Variants in MBP observed in about 807,000 individuals in gnomAD.
MBP encodes the protein myelin basic protein, also known as Golli-MBP.
In MBP, 16 loss-of-function variants were observed where a neutral mutation model predicts 35.8. The observed-to-expected ratio is 0.45, with a 90% CI of 0.30 to 0.68. MBP has a LOEUF of 0.68. MBP is among the 30% of genes least tolerant of loss of function. The pLI, the probability that MBP is intolerant of heterozygous loss-of-function variation, is 0.08. For missense variants in MBP, 380 were observed against 404.7 expected (o/e 0.94, Z 0.52); for synonymous variants, 143 against 159.6 (o/e 0.90, Z 0.78).
intron 4 of MBP, among the ~76,000 whole-genome samples, chr18:76,997,904 G>A (rs540142269): frequency 1.9e-4 from 27 of 141,472 alleles, no homozygotes; most frequent in East Asian, 1.0e-3. Flanking sequence ...GGATGGTCTC[G>A]ATCTCCTGAC....
chr18:77,039,944 C>A (rs1568307528), intron 3 of MBP, among the ~76,000 whole-genome samples: 1 of 152,318 alleles, frequency 6.6e-6, no homozygotes, highest in Middle Eastern at 3.4e-3. Flanking sequence ...GCCGGCTCTA[C>A]AGCATGACTC....
At chr18:77,092,294 GT>G (rs1555727946) in intron 2 of MBP, among the ~76,000 whole-genome samples, 1 of 151,740 alleles carries the variant, frequency 6.6e-6, no homozygotes, top group African/African-American at 2.4e-5. Context: ...CCCTCCCTCT[GT>G]CCCTCGCGGG....
intron 3 of MBP, chr18:77,066,086 C>G (rs1042757126): frequency 2.0e-6 from 1 of 508,714 alleles, no homozygotes; most frequent in East Asian, 3.1e-5. Context: ...TGGTCTTGAG[C>G]TCCTGGGCTC....
In MBP at chr18:76,997,906, T is replaced by G. The variant is rs1025961644; in HGVS notation, c.577-7846A>C. Among the ~76,000 whole-genome samples, 166 of 141,282 alleles carry G rather than the reference T, an allele frequency of 1.2e-3. 1 individual carries two copies. Among genetic ancestry groups the G allele is most frequent in the Admixed American group, 2.0e-3 (29 of 14,408 alleles). 92.7% of individuals were successfully genotyped at this position (141,282 alleles called of 152,430 possible). On this transcript the variant is annotated intron_variant, in intron 4 of 8. Transcript: ENST00000355994. The stretch of plus-strand genomic sequence containing the variant: ...ACTGTGTTAGCCAGGATGGTCTCGA[T>G]CTCCTGACCTCGTGATCCGCCCGCC...
chr18:77,057,889 C>T (rs1249669662), intron 3 of MBP, among the ~76,000 whole-genome samples: 1 of 11,310 alleles, frequency 8.8e-5, no homozygotes, highest in Non-Finnish European at 1.2e-4. Flanking sequence ...TGCAGTGGTG[C>T]GATCTCGGCT....
chr18:77,087,669 G>A (rs62102344), intron 2 of MBP: 13,592 of 152,728 alleles, frequency 0.089, 812 homozygotes, highest in Non-Finnish European at 0.13. Context: ...GGAGGGGAGG[G>A]GAGGGGAGGC....
intron 1 of MBP, chr18:77,113,400 C>T (rs1976542097): frequency 6.6e-6 from 1 of 152,372 alleles, no homozygotes; most frequent in Admixed American, 6.5e-5. Flanking sequence ...ACAGAGCCTC[C>T]TGCAGAGCTC....
chr18:77,000,485 G>T (rs1437635320), intron 4 of MBP, among the ~76,000 whole-genome samples: 1 of 152,218 alleles, frequency 6.6e-6, no homozygotes, highest in Non-Finnish European at 1.5e-5. Flanking sequence ...AAAATAACTT[G>T]CTGAAAAGTT....
chr18:77,045,296 A>T (rs986346710), intron 3 of MBP, among the ~76,000 whole-genome samples: 2 of 152,218 alleles, frequency 1.3e-5, no homozygotes. Context: ...TGCCGGCAGC[A>T]CCTGCCGGCA....
chr18:77,013,015 A>C, intron 4 of MBP: 1 of 985,496 alleles, frequency 1.0e-6, no homozygotes, highest in Non-Finnish European at 1.2e-6. Context: ...TACAACAGCA[A>C]CAACTGCAGC....
intron 1 of MBP, among the ~76,000 whole-genome samples, chr18:77,118,377 C>T (rs1014216564): frequency 1.3e-5 from 2 of 151,902 alleles, no homozygotes; most frequent in Non-Finnish European, 2.9e-5. Context: ...GGCTTTGCAC[C>T]CAGCAGTTGG....
chr18:76,980,333 C>G lies in MBP; in HGVS notation c.*94G>C. On this transcript the variant is annotated 3_prime_UTR_variant, in exon 9 of 9. Transcript: ENST00000355994. Reference sequence around the variant, plus strand: ...CCGCAGGCATTAGGGGAGGGGTCATCTGCTCTAATTAGGTAACAGGGGCAA... The same window carrying G: ...CCGCAGGCATTAGGGGAGGGGTCATGTGCTCTAATTAGGTAACAGGGGCAA... 1 of 1,178,786 alleles carries G rather than the reference C, an allele frequency of 8.5e-7. No homozygotes were observed. The highest frequency in any genetic ancestry group is 1.3e-6 in the Non-Finnish European group (1 of 782,396). The allele number at this position is 1,178,786 out of a possible 1,614,324, so 73.0% of individuals were successfully genotyped here. A position where few individuals can be genotyped will look rare whatever the true frequency, so the allele number is the denominator to read the frequency against.
At chr18:77,115,830 G>A (rs1383444993) in intron 1 of MBP, 1 of 152,134 alleles carries the variant, frequency 6.6e-6, no homozygotes, top group Non-Finnish European at 1.5e-5. Context: ...TATTTTACTG[G>A]GCAACTGCCT....
At chr18:77,029,405 GAGAGGGAGAGGGAGACCGTGGGGAGA>G (rs1235406458) in intron 3 of MBP, among the ~76,000 whole-genome samples, 8 of 139,418 alleles carry the variant, frequency 5.7e-5, no homozygotes, top group African/African-American at 1.9e-4. Context: ...ACCGTGGAAA[GAGAGGGAGAGGGAGACCGTGGGGAGA>G]GGGAGAGGGA....
At chr18:77,130,621 A>G (rs1291514577) in intron 1 of MBP, among the ~76,000 whole-genome samples, 1 of 152,088 alleles carries the variant, frequency 6.6e-6, no homozygotes, top group Non-Finnish European at 1.5e-5. Flanking sequence ...AAACAAAATA[A>G]CTTACAATTA....
In MBP at chr18:77,044,460, GCA is replaced by G. The variant is rs1973143203; in HGVS notation, c.139+21836_139+21837del. 1.3e-5 allele frequency among the ~76,000 whole-genome samples: 2 copies of G among 152,012 alleles called. No individual in the cohort carries two copies. Among genetic ancestry groups the G allele is most frequent in the Non-Finnish European group, 2.9e-5 (2 of 68,010 alleles). ...CTGGGGACTGCTGTCCTCCTTCCCAGCATGAAGTTCTACTGCAAGGGCCACTC... is the reference window on the plus strand; with the variant it reads ...CTGGGGACTGCTGTCCTCCTTCCCAGTGAAGTTCTACTGCAAGGGCCACTC... On this transcript the variant is annotated intron_variant, in intron 3 of 8. Coordinates refer to ENST00000355994, the MANE Select transcript of MBP (RefSeq NM_001025101.2). This position sits in a 1 kb window ranked among gnomAD's most constrained non-coding sequence, Gnocchi z 4.4.
intron 3 of MBP, among the ~76,000 whole-genome samples, chr18:77,050,826 G>A (rs919498839): frequency 3.3e-5 from 5 of 152,168 alleles, no homozygotes; most frequent in African/African-American, 9.7e-5. Context: ...GATTACAGGC[G>A]TGAGCCACCA....
chr18:77,037,989 A>T (rs1972845622), intron 3 of MBP, among the ~76,000 whole-genome samples: 1 of 152,250 alleles, frequency 6.6e-6, no homozygotes, highest in African/African-American at 2.4e-5. Context: ...GGCAATCGAT[A>T]TTAAAAATCC....
rs564411958 is a variant in MBP, at chr18:77,111,546, G to T, written c.-25-6260C>A. Among the ~76,000 whole-genome samples the T allele has an allele frequency of 7.9e-5, 12 of 152,356 alleles. No individual in the cohort carries two copies. In the South Asian group the frequency reaches 2.5e-3, roughly 32 times the overall value. On this transcript the variant is annotated intron_variant, in intron 1 of 8. Transcript: ENST00000355994. ...GCAGGAAGGAGACCCCCACGGGAGG[G>T]CCCTGGTGTCGTGTGAGCCCTGGGC...
Sources: allele counts gnomAD v4.1 joint callset (sites outside exome capture counted in the v4.1 genomes callset), GRCh38; gene constraint gnomAD v4.1.1; non-coding constraint Gnocchi (gnomAD v3.1); transcripts MANE v1.5; gene names NCBI Gene and HGNC (gene_info 2026-07-23, HGNC 2026-07-21).